The following LARGE1 variants were observed in gnomAD, a reference collection of about 807,000 sequenced individuals.
LARGE1 encodes the protein LARGE xylosyl- and glucuronyltransferase 1, also known as xylosyl- and glucuronyltransferase LARGE1.
Under a neutral mutation model 87.6 loss-of-function variants are expected in LARGE1, and 43 were observed. That is an observed-to-expected ratio of 0.49 (90% CI 0.38 to 0.63). The LOEUF is 0.63. Ranked by LOEUF, LARGE1 falls within the 30% of genes least tolerant of loss-of-function variation. LARGE1 has a pLI of 0.00. For missense variants in LARGE1, 802 were observed against 1,000.2 expected (o/e 0.80, Z 2.67); for synonymous variants, 434 against 394.6 (o/e 1.10, Z -1.18).
At chr22:33,430,172 C>G (rs767520824) in intron 7 of LARGE1, among the ~76,000 whole-genome samples, 5 of 152,152 alleles carry the variant, frequency 3.3e-5, no homozygotes, top group Non-Finnish European at 7.4e-5. Flanking sequence ...AGGGTTGCAG[C>G]CTTCGATGCT....
At chr22:33,244,051 C>T (rs1228003493) in intron 11 of LARGE1, among the ~76,000 whole-genome samples, 3 of 152,094 alleles carry the variant, frequency 2.0e-5, no homozygotes, top group African/African-American at 4.8e-5. Flanking sequence ...TGCAGTGGCG[C>T]GATCTCGGCT....
chr22:33,515,582 A>G (rs1177264509), intron 6 of LARGE1, among the ~76,000 whole-genome samples: 1 of 152,082 alleles, frequency 6.6e-6, no homozygotes, highest in Non-Finnish European at 1.5e-5. Context: ...CTAAACAAGA[A>G]CTCTGGACTC....
At chr22:33,558,275 C>G (rs999124466) in intron 6 of LARGE1, among the ~76,000 whole-genome samples, 1 of 152,108 alleles carries the variant, frequency 6.6e-6, no homozygotes, top group Non-Finnish European at 1.5e-5. Context: ...TGATTCCTTT[C>G]CTATGGGCTA....
intron 7 of LARGE1, among the ~76,000 whole-genome samples, chr22:33,428,602 C>T (rs747023976): frequency 8.2e-4 from 103 of 125,118 alleles, no homozygotes; most frequent in Non-Finnish European, 1.4e-3. Context: ...CGTGAGCCAC[C>T]GTGCCTGGCC....
chr22:33,554,053 G>A (rs1189015669), intron 6 of LARGE1, among the ~76,000 whole-genome samples: 3 of 152,304 alleles, frequency 2.0e-5, no homozygotes, highest in Non-Finnish European at 4.4e-5. Flanking sequence ...GCAGCTGGAG[G>A]CAGCAGTGAA....
chr22:33,384,336 T>C lies in LARGE1; in HGVS notation c.893-32A>G, dbSNP rs571904078. ...AACAGCACAGGATAAAAGAGAAAAT[T>C]AAAAAATAAAAAAGATGGAGAGCTA... On this transcript the variant is annotated intron_variant, in intron 7 of 14. Transcript: ENST00000397394. 20 of 1,513,062 alleles carry C rather than the reference T, an allele frequency of 1.3e-5. No individual in the cohort carries two copies. In the South Asian group the frequency reaches 2.3e-4, roughly 17 times the overall value. The allele number at this position is 1,513,062 out of a possible 1,614,324, so 93.7% of individuals were successfully genotyped here. A position where few individuals can be genotyped will look rare whatever the true frequency, so the allele number is the denominator to read the frequency against.
the LARGE1 span, among the ~76,000 whole-genome samples, chr22:33,072,163 C>T: frequency 1.2e-4 from 18 of 152,134 alleles, no homozygotes; most frequent in Non-Finnish European, 2.1e-4. Context: ...GACTGTCTCT[C>T]GAGATCTGCT....
At chr22:33,777,402 C>T (rs2145863248) in intron 1 of LARGE1, among the ~76,000 whole-genome samples, 2 of 152,170 alleles carry the variant, frequency 1.3e-5, no homozygotes, top group East Asian at 3.9e-4. Context: ...CTTCGGGAGG[C>T]TGAGATTGGA....
the LARGE1 span, among the ~76,000 whole-genome samples, chr22:33,139,398 T>A: frequency 6.6e-6 from 1 of 152,152 alleles, no homozygotes; most frequent in Admixed American, 6.5e-5. Context: ...CTCTTTCCTC[T>A]CCTTCTGTTG....
chr22:33,643,729 C>T (rs240330), intron 3 of LARGE1, among the ~76,000 whole-genome samples: 100,915 of 152,012 alleles, frequency 0.66, 34,481 homozygotes, highest in African/African-American at 0.82. Flanking sequence ...ATAAAGGGGA[C>T]ATCACCACTG....
intron 11 of LARGE1, among the ~76,000 whole-genome samples, chr22:33,193,833 A>G (rs940820680): frequency 2.1e-4 from 31 of 148,768 alleles, no homozygotes; most frequent in African/African-American, 7.6e-4. Context: ...TTATATATAT[A>G]TGTGTTCATA....
intron 2 of LARGE1, among the ~76,000 whole-genome samples, chr22:33,760,668 T>A (rs188437316): frequency 4.3e-4 from 66 of 152,268 alleles, no homozygotes; most frequent in Admixed American, 3.7e-3. Flanking sequence ...ACACTTGTAA[T>A]CCCAGCACTT....
intron 7 of LARGE1, among the ~76,000 whole-genome samples, chr22:33,418,175 C>G (rs1222546069): frequency 6.6e-6 from 1 of 152,134 alleles, no homozygotes; most frequent in Non-Finnish European, 1.5e-5. Flanking sequence ...TCTCAATCTC[C>G]TGACCTTGTG....
chr22:33,526,945 C>T (rs79041945), intron 6 of LARGE1, among the ~76,000 whole-genome samples: 1,721 of 152,320 alleles, frequency 0.011, 36 homozygotes, highest in African/African-American at 0.04. Context: ...ACCTGCGTTA[C>T]CACGGGAGTT....
At chr22:33,344,929 T>C (rs1939588148) in intron 9 of LARGE1, among the ~76,000 whole-genome samples, 1 of 152,184 alleles carries the variant, frequency 6.6e-6, no homozygotes, top group Non-Finnish European at 1.5e-5. Flanking sequence ...TAGGCATTTA[T>C]TGACAGGCTT....
intron 4 of LARGE1, among the ~76,000 whole-genome samples, chr22:33,617,518 C>T (rs753663405): frequency 1.3e-5 from 2 of 152,158 alleles, no homozygotes; most frequent in Admixed American, 6.5e-5. Flanking sequence ...TGATTCAAGG[C>T]TATTTAGTTT....
At chr22:33,539,625 C>T (rs183944589) in intron 6 of LARGE1, among the ~76,000 whole-genome samples, 58 of 151,068 alleles carry the variant, frequency 3.8e-4, no homozygotes, top group African/African-American at 1.4e-3. Flanking sequence ...GGTCTCGCTC[C>T]ACTACCTATA....
At chr22:33,515,140 T>TA (rs2071241647) in intron 6 of LARGE1, among the ~76,000 whole-genome samples, 1 of 148,276 alleles carries the variant, frequency 6.7e-6, no homozygotes, top group Non-Finnish European at 1.5e-5. Flanking sequence ...AAATAAAAAA[T>TA]AAAAAACAAC....
chr22:33,165,868 A>G (rs1272592477), exon 12 of LARGE1: 1 of 152,236 alleles, frequency 6.6e-6, no homozygotes, highest in African/African-American at 2.4e-5. Flanking sequence ...TACCAACTCT[A>G]TGCTGGACAC....
Sources: allele counts gnomAD v4.1 joint callset (sites outside exome capture counted in the v4.1 genomes callset), GRCh38; gene constraint gnomAD v4.1.1; transcripts MANE v1.5; gene names NCBI Gene and HGNC (gene_info 2026-07-23, HGNC 2026-07-21).